PLEKHG3: variants seen among roughly 807,000 people sequenced by gnomAD.
PLEKHG3 encodes the protein pleckstrin homology domain-containing family G member 3.
A neutral mutation model predicts 94.9 loss-of-function variants in PLEKHG3; 62 were observed. The ratio of observed to expected loss-of-function variants is 0.65; its 90% CI spans 0.53 to 0.81. PLEKHG3 has a LOEUF of 0.81. Ranked by LOEUF, PLEKHG3 falls within the 30% of genes least tolerant of loss-of-function variation. PLEKHG3 has a pLI of 0.00. For missense variants in PLEKHG3, 1,461 were observed against 1,619.3 expected (o/e 0.90, Z 1.68); for synonymous variants, 614 against 654.0 (o/e 0.94, Z 0.93).
chr14:64,713,270 T>A (rs1200849689), intron 1 of PLEKHG3, among the ~76,000 whole-genome samples: 1 of 152,192 alleles, frequency 6.6e-6, no homozygotes, highest in East Asian at 1.9e-4. Context: ...TTTTCTGATA[T>A]CTTGTCTGGT....
chr14:64,731,765 G>C lies in PLEKHG3; in HGVS notation c.1084G>C (p.Val362Leu). 4 of 1,613,784 alleles carry C rather than the reference G, an allele frequency of 2.5e-6. No homozygotes were observed. Among genetic ancestry groups the C allele is most frequent in the South Asian group, 1.1e-5 (1 of 91,074 alleles). ...ESTRDSLCFTVTHYKHSKQQY... is the reference protein window; with the variant it reads ...ESTRDSLCFTLTHYKHSKQQY... ...CACCAGAGACTCCCTGTGCTTCACT[G>C]TCACCCACTACAAGCACAGCAAGCA... Residue 362 changes from valine (V) to leucine (L), a missense_variant, in exon 9 of 17, where the codon GTC becomes CTC. Physicochemically the swap from Val to Leu is conservative, Grantham distance 32. Transcript: ENST00000247226. This position sits in a 1 kb window ranked among gnomAD's most constrained non-coding sequence, Gnocchi z 6.1.
chr14:64,743,084 G>T lies in PLEKHG3; in HGVS notation c.3041G>T (p.Arg1014Leu), dbSNP rs41309246. The T allele has an allele frequency of 1.4e-5, 22 of 1,613,158 alleles. No individual in the cohort carries two copies. In the East Asian group the frequency reaches 3.8e-4, roughly 28 times the overall value. ...TCGGCTGGGGAGATGTCACCACAGC[G>T]TTTCTTCTTCAACCCGTCTGCTGTC... ...PSSAGEMSPQ[R>L]FFFNPSAVSQ... The change falls in exon 17 of 17, where the codon CGT (arginine) becomes CTT (leucine). Residue 1014 changes from arginine (R) to leucine (L), a missense_variant. Coordinates refer to ENST00000247226, the MANE Select transcript of PLEKHG3 (RefSeq NM_001308147.2). This position sits in a 1 kb window ranked among gnomAD's most constrained non-coding sequence, Gnocchi z 7.2.
intron 12 of PLEKHG3, among the ~76,000 whole-genome samples, chr14:64,733,470 C>T (rs549566820): frequency 6.9e-4 from 105 of 152,246 alleles, no homozygotes; most frequent in African/African-American, 2.4e-3. Context: ...ACCCGTCCAG[C>T]CCACCTTTTT....
In PLEKHG3 at chr14:64,730,738, G is replaced by GC. The variant is rs758214804; in HGVS notation, c.567-55dup. 9 of 1,612,092 alleles carry GC rather than the reference G, an allele frequency of 5.6e-6. No homozygotes were observed. The highest frequency in any genetic ancestry group is 1.7e-5 in the Admixed American group (1 of 59,972). On this transcript the variant is annotated intron_variant, in intron 5 of 16. Transcript: ENST00000247226. This position sits in a 1 kb window ranked among gnomAD's most constrained non-coding sequence, Gnocchi z 5.4. ...GGCAGAGCCATTTGGTGAGTCCAGA[G>GC]CCCCCCACTTCCTCATCCAGGCCTT...
In PLEKHG3 at chr14:64,736,870, C is replaced by T; in HGVS notation, c.1363C>T (p.Leu455Phe). ...RRQSEPTKHL[L>F]RQLNEKARAA... ...CTCCTCAGAGCCAACCAAACACCTG[C>T]TCAGGCAACTCAACGAGAAAGGTGA... Residue 455 changes from leucine (L) to phenylalanine (F), a missense_variant, in exon 13 of 17, where the codon CTC (leucine) becomes TTC (phenylalanine). Physicochemically the swap from Leu to Phe is conservative, Grantham distance 22 (BLOSUM62 0). This residue lies in a region of PLEKHG3 where 1,201 missense variants were observed against 1,295.5 expected (regional missense o/e 0.93). Coordinates refer to ENST00000247226, the MANE Select transcript of PLEKHG3 (RefSeq NM_001308147.2). 1 of 1,613,136 alleles carries T rather than the reference C, an allele frequency of 6.2e-7. No individual in the cohort carries two copies. The highest frequency in any genetic ancestry group is 1.1e-5 in the South Asian group (1 of 91,066).
At chr14:64,711,197 G>A (rs12895353) in intron 1 of PLEKHG3, among the ~76,000 whole-genome samples, 10,379 of 152,162 alleles carry the variant, frequency 0.068, 396 homozygotes, top group Non-Finnish European at 0.085. Flanking sequence ...AACTTTTGGA[G>A]CCCGCTCTTA....
At position 64,741,323 on chromosome 14, in the gene PLEKHG3, C is replaced by T. The variant is rs1243333382; in HGVS notation, c.1806C>T (p.Ala602=). The T allele has an allele frequency of 6.2e-7, 1 of 1,613,618 alleles. No homozygotes were observed. The highest frequency in any genetic ancestry group is 8.5e-7 in the Non-Finnish European group (1 of 1,180,048). The change falls in exon 16 of 17, where the codon GCC becomes GCT. Residue 602 remains alanine (A), a synonymous_variant. Coordinates refer to ENST00000247226, the MANE Select transcript of PLEKHG3 (RefSeq NM_001308147.2). The part of the protein sequence containing the change: ...SLLPPSVLDQ[A]SVIAERFVSS... ...TGCCACCCTCTGTGCTGGACCAGGC[C>T]AGCGTCATTGCGGAGCGATTTGTCA...
At position 64,731,795 on chromosome 14, in the gene PLEKHG3, T is replaced by C; in HGVS notation, c.1114T>C (p.Tyr372His). 6.2e-7 allele frequency: 1 copy of C among 1,612,116 alleles called. No individual in the cohort carries two copies. Among genetic ancestry groups the C allele is most frequent in the South Asian group, 1.1e-5 (1 of 91,050 alleles). ...VTHYKHSKQQ[Y>H]SIQAKTVEEK... ...CCACTACAAGCACAGCAAGCAGCAG[T>C]ACAGCATCCAGGTGAGGGGAAGGTG... Residue 372 changes from tyrosine to histidine, a missense_variant, in exon 9 of 17, where the codon TAC (tyrosine) becomes CAC (histidine). By Grantham distance (83) the Tyr-to-His change is moderately conservative. Coordinates refer to ENST00000247226, the MANE Select transcript of PLEKHG3 (RefSeq NM_001308147.2). The surrounding 1 kb of genome is among the most constrained non-coding windows in gnomAD (Gnocchi z 6.1).
At position 64,718,223 on chromosome 14, in the gene PLEKHG3, G is replaced by A. The variant is rs2081202370; in HGVS notation, c.-39-9370G>A. On this transcript the variant is annotated intron_variant, in intron 1 of 16. Transcript: ENST00000247226. This position sits in a 1 kb window ranked among gnomAD's most constrained non-coding sequence, Gnocchi z 5.0. ...TCATGCTTTTGTACTAGGACTCAAGGCATTGTTTTGTGAATACTCTGTTTA... is the reference window on the plus strand; with the variant it reads ...TCATGCTTTTGTACTAGGACTCAAGACATTGTTTTGTGAATACTCTGTTTA... Among the ~76,000 whole-genome samples, 1 of 152,156 alleles carries A rather than the reference G, an allele frequency of 6.6e-6. No individual in the cohort carries two copies. Among genetic ancestry groups the A allele is most frequent in the South Asian group, 2.1e-4 (1 of 4,816 alleles).
Position 64,715,758 on chromosome 14 carries a change from C to T in PLEKHG3, c.-40+11054C>T. 1 of 321,938 alleles carries T rather than the reference C, an allele frequency of 3.1e-6. No homozygotes were observed. Among genetic ancestry groups the T allele is most frequent in the South Asian group, 2.3e-5 (1 of 43,748 alleles). The allele number at this position is 321,938 out of a possible 1,614,324, so 19.9% of individuals were successfully genotyped here. On this transcript the variant is annotated intron_variant, in intron 1 of 16. Transcript: ENST00000247226. This position sits in a 1 kb window ranked among gnomAD's most constrained non-coding sequence, Gnocchi z 4.4. ...TGTGCAGGTCCTCAGCCCTGTGGCG[C>T]TCACCTCCCAGGGCTGTGGCCTGGG...
rs2081198396 is a variant in PLEKHG3, at chr14:64,718,018, G to A, written c.-39-9575G>A. On this transcript the variant is annotated intron_variant, in intron 1 of 16. Transcript: ENST00000247226. The surrounding 1 kb of genome is among the most constrained non-coding windows in gnomAD (Gnocchi z 5.0). ...TTGTTGCCAGTTGCCCGGGGCGTGG[G>A]GGTGGTCTGGGTCCTCTCGGGACTC... is the stretch of plus-strand genomic sequence containing the variant. 6.6e-6 allele frequency among the ~76,000 whole-genome samples: 1 copy of A among 152,182 alleles called. No individual in the cohort carries two copies.
chr14:64,710,825 T>C (rs1479754843), intron 1 of PLEKHG3, among the ~76,000 whole-genome samples: 2 of 151,634 alleles, frequency 1.3e-5, no homozygotes, highest in Admixed American at 6.6e-5. Context: ...CTTTTTTTTT[T>C]TGGAGGGAGG....
intron 1 of PLEKHG3, among the ~76,000 whole-genome samples, chr14:64,707,338 C>A (rs2080987964): frequency 6.6e-6 from 1 of 152,258 alleles, no homozygotes. Flanking sequence ...CTCCTTTCTT[C>A]TGCTGAATGG....
At position 64,728,830 on chromosome 14, in the gene PLEKHG3, A is replaced by G. The variant is rs919157638; in HGVS notation, c.352-166A>G. ...AAAGACCTTATTTCCAAATAAAGTC[A>G]CATTCTGGGGTTCCAAGTGGACATG... On this transcript the variant is annotated intron_variant, in intron 2 of 16. Coordinates refer to ENST00000247226, the MANE Select transcript of PLEKHG3 (RefSeq NM_001308147.2). This position sits in a 1 kb window ranked among gnomAD's most constrained non-coding sequence, Gnocchi z 5.9. Among the ~76,000 whole-genome samples, 1 of 152,250 alleles carries G rather than the reference A, an allele frequency of 6.6e-6. No homozygotes were observed. The highest frequency in any genetic ancestry group is 1.5e-5 in the Non-Finnish European group (1 of 68,040).
At position 64,743,621 on chromosome 14, in the gene PLEKHG3, C is replaced by T. The variant is rs773280833; in HGVS notation, c.3578C>T (p.Ser1193Phe). The change falls in exon 17 of 17, where the codon TCC (serine) becomes TTC (phenylalanine). Residue 1193 changes from serine (S) to phenylalanine (F), a missense_variant. Transcript: ENST00000247226. The surrounding 1 kb of genome is among the most constrained non-coding windows in gnomAD (Gnocchi z 7.2). ...GAGTGCCAGCCGAAGGAAGAGGGTT[C>T]CAGGGACCCGGCAGACCCGAGCCAG... is the stretch of plus-strand genomic sequence containing the variant. The part of the protein sequence containing the change: ...SAECQPKEEG[S>F]RDPADPSQQG... The T allele has an allele frequency of 5.0e-6, 8 of 1,612,542 alleles. No individual in the cohort carries two copies. Among genetic ancestry groups the T allele is most frequent in the Non-Finnish European group, 6.8e-6 (8 of 1,179,892 alleles).
Position 64,722,784 on chromosome 14 carries a change from C to T in PLEKHG3, c.-39-4809C>T, listed in dbSNP as rs971482726. Among the ~76,000 whole-genome samples the T allele has an allele frequency of 6.6e-6, 1 of 152,198 alleles. No individual in the cohort carries two copies. Among genetic ancestry groups the T allele is most frequent in the Non-Finnish European group, 1.5e-5 (1 of 68,032 alleles). ...CCAAGTGTCCTCTTCCCCTCTCCTG[C>T]CTTGTCCTCAACTCACTGGCCTGGG... On this transcript the variant is annotated intron_variant, in intron 1 of 16. Coordinates refer to ENST00000247226, the MANE Select transcript of PLEKHG3 (RefSeq NM_001308147.2). This position sits in a 1 kb window ranked among gnomAD's most constrained non-coding sequence, Gnocchi z 4.3.
In PLEKHG3 at chr14:64,717,370, T is replaced by C. The variant is rs957157116; in HGVS notation, c.-39-10223T>C. On this transcript the variant is annotated intron_variant, in intron 1 of 16. Transcript: ENST00000247226. The surrounding 1 kb of genome is among the most constrained non-coding windows in gnomAD (Gnocchi z 4.7). ...CTCATGCTTGGAATTGGGAAGGGAG[T>C]TGTGTTTTAGGGAATTGCCCTGGCA... Among the ~76,000 whole-genome samples, 3 of 151,694 alleles carry C rather than the reference T, an allele frequency of 2.0e-5. No individual in the cohort carries two copies. The highest frequency in any genetic ancestry group is 2.0e-4 in the Admixed American group (3 of 15,244).
chr14:64,731,388 A>C lies in PLEKHG3; in HGVS notation c.877A>C (p.Lys293Gln). 6.2e-7 allele frequency: 1 copy of C among 1,613,796 alleles called. No individual in the cohort carries two copies. The change falls in exon 8 of 17, where the codon AAG becomes CAG. Residue 293 changes from lysine to glutamine, a missense_variant. By Grantham distance (53) the Lys-to-Gln change is moderately conservative. Coordinates refer to ENST00000247226, the MANE Select transcript of PLEKHG3 (RefSeq NM_001308147.2). This position sits in a 1 kb window ranked among gnomAD's most constrained non-coding sequence, Gnocchi z 6.1. ...QEIQSLLINW[K>Q]GPDLTTYGEL... ...GATTCAGTCACTCCTCATCAACTGG[A>C]AGGGGCCCGACCTGACCACCTACGG... is the stretch of plus-strand genomic sequence containing the variant.
chr14:64,737,111 C>T, intron 13 of PLEKHG3: 1 of 646,918 alleles, frequency 1.5e-6, no homozygotes, highest in South Asian at 1.8e-5. Context: ...GCCCTTTCCT[C>T]CGGAAACAAT....
Sources: gnomAD v4.1 joint callset for allele counts (sites outside exome capture counted in the v4.1 genomes callset) on GRCh38, gnomAD v4.1.1 for gene constraint, gnomAD v4.1.1 regional missense constraint, Gnocchi (gnomAD v3.1) non-coding constraint, MANE v1.5 for transcripts, NCBI Gene and HGNC (gene_info 2026-07-23, HGNC 2026-07-21) for gene names.